ZNF273: variants seen among roughly 807,000 people sequenced by gnomAD.
ZNF273 encodes zinc finger protein 273.
A neutral mutation model predicts 14.9 loss-of-function variants in ZNF273; 11 were observed. That is an observed-to-expected ratio of 0.74 (90% CI 0.46 to 1.22). The LOEUF (loss-of-function observed/expected upper bound fraction) is 1.22. Among genes scored for constraint, ZNF273 ranks in the 50% most tolerant of loss-of-function variants. The pLI is 0.00. For synonymous variants in ZNF273, 199 were observed against 223.9 expected, an observed-to-expected ratio of 0.89 and a Z score of 0.99; for missense variants, 577 against 660.6, an observed-to-expected ratio of 0.87 and a Z score of 1.39.
upstream of ZNF273, among the ~76,000 whole-genome samples, chr7:64,899,982 A>G (rs1399043574): frequency 6.6e-6 from 1 of 151,860 alleles, no homozygotes; most frequent in African/African-American, 2.4e-5. Context: ...CTGGTCTCGA[A>G]CTCCCAACCT....
At chr7:64,903,821 TCAGA>T (rs1302467037) in intron 1 of ZNF273, among the ~76,000 whole-genome samples, 2 of 152,230 alleles carry the variant, frequency 1.3e-5, no homozygotes, top group Non-Finnish European at 2.9e-5. Flanking sequence ...AAGAATTTAA[TCAGA>T]CAGTCATTCA....
chr7:64,929,127 G>GTGACAAAT lies in ZNF273; in HGVS notation c.*89_*90insTGACAAAT, dbSNP rs56847491. The GTGACAAAT allele has an allele frequency of 3.2e-6, 4 of 1,241,356 alleles. No homozygotes were observed. The African/African-American group carries it at 6.1e-5, about 19-fold the overall frequency. The allele number at this position is 1,241,356 out of a possible 1,614,324, so 76.9% of individuals were successfully genotyped here. ...CATACTGGAGAAAACTCCCAGAAGT[G>GTGACAAAT]GAGTTTTCCTTATTGCACAGGAAAG... On this transcript the variant is annotated 3_prime_UTR_variant, in exon 4 of 4. Transcript: ENST00000476120.
downstream of ZNF273, among the ~76,000 whole-genome samples, chr7:64,892,100 C>T (rs1310223201): frequency 6.6e-6 from 1 of 152,234 alleles, no homozygotes; most frequent in Non-Finnish European, 1.5e-5. Context: ...AATAAAACTG[C>T]ATGCCTCCTT....
At chr7:64,903,173 C>T (rs142581703), upstream of ZNF273, 505 of 621,582 alleles carry the variant, frequency 8.1e-4, no homozygotes, top group African/African-American at 8.7e-3. Flanking sequence ...GGGGGCGGGT[C>T]CTTAAACATC....
intron 1 of ZNF273, among the ~76,000 whole-genome samples, chr7:64,915,660 TCATGGC>T (rs1793923173): frequency 6.6e-6 from 1 of 152,192 alleles, no homozygotes; most frequent in South Asian, 2.1e-4. Flanking sequence ...AGCGTGGGCG[TCATGGC>T]CATCATGAAC....
chr7:64,878,547 A>G (rs1791173467), intron 2 of ZNF273: 1 of 152,414 alleles, frequency 6.6e-6, no homozygotes, highest in Middle Eastern at 3.4e-3. Flanking sequence ...CTTCCCCTTC[A>G]GGAGAGGTGC....
intron 1 of ZNF273, among the ~76,000 whole-genome samples, chr7:64,912,473 A>T (rs1439989104): frequency 3.3e-5 from 5 of 151,458 alleles, no homozygotes; most frequent in Non-Finnish European, 7.4e-5. Flanking sequence ...TGCACTCATG[A>T]ATAACACCTC....
At chr7:64,910,690 T>C (rs1205978878) in intron 1 of ZNF273, among the ~76,000 whole-genome samples, 1 of 152,094 alleles carries the variant, frequency 6.6e-6, no homozygotes, top group Non-Finnish European at 1.5e-5. Context: ...TTGTTTCATA[T>C]GAATTTTAAA....
chr7:64,904,939 A>G (rs1792985375), intron 1 of ZNF273, among the ~76,000 whole-genome samples: 1 of 152,068 alleles, frequency 6.6e-6, no homozygotes, highest in Non-Finnish European at 1.5e-5. Flanking sequence ...TTTGAGTTTT[A>G]GTACTGTCTG....
intron 3 of ZNF273, among the ~76,000 whole-genome samples, chr7:64,896,731 G>A (rs1792384643): frequency 6.6e-6 from 1 of 151,924 alleles, no homozygotes; most frequent in Non-Finnish European, 1.5e-5. Context: ...GTAAATCTGG[G>A]CTCATAGCTC....
At chr7:64,918,002 G>A (rs752668790) in intron 2 of ZNF273, among the ~76,000 whole-genome samples, 195 bp from the exon 3 acceptor site, 12 of 152,088 alleles carry the variant, frequency 7.9e-5, no homozygotes, top group Admixed American at 3.3e-4. Context: ...TTTTCATTCC[G>A]TAGTACTGAG....
intron 1 of ZNF273, among the ~76,000 whole-genome samples, chr7:64,916,188 A>G (rs1443594698): frequency 6.6e-6 from 1 of 151,838 alleles, no homozygotes; most frequent in Non-Finnish European, 1.5e-5. Flanking sequence ...AAGAAAAAAA[A>G]TTATTAGGAG....
intron 3 of ZNF273, among the ~76,000 whole-genome samples, chr7:64,919,459 A>G (rs968873156): frequency 6.6e-6 from 1 of 152,048 alleles, no homozygotes; most frequent in Non-Finnish European, 1.5e-5. Context: ...TCTTGCCAAC[A>G]TGGAAATCCC....
At chr7:64,884,646 C>G (rs1211557408), downstream of ZNF273, among the ~76,000 whole-genome samples, 1 of 152,174 alleles carries the variant, frequency 6.6e-6, no homozygotes, top group Non-Finnish European at 1.5e-5. Flanking sequence ...CACTGACACC[C>G]TCCTCTGGGG....
At chr7:64,922,416 C>T (rs1276338492) in intron 3 of ZNF273, among the ~76,000 whole-genome samples, 1 of 151,858 alleles carries the variant, frequency 6.6e-6, no homozygotes, top group Non-Finnish European at 1.5e-5. Context: ...GCAACCTCTG[C>T]CTCCCAGGTT....
intron 1 of ZNF273, chr7:64,888,338 C>T: frequency 1.0e-6 from 1 of 985,284 alleles, no homozygotes; most frequent in Non-Finnish European, 1.2e-6. Flanking sequence ...CCTCTGAGCT[C>T]AAATTCCTGC....
Position 64,888,721 on chromosome 7 carries a change from G to A in ZNF273, n.422G>A, listed in dbSNP as rs990167522. On this transcript the variant is annotated non_coding_transcript_exon_variant, in exon 2 of 2. Transcript: ENST00000471926. The stretch of plus-strand genomic sequence containing the variant: ...TCCGGCTCCTGGAGGACAGCGGGAT[G>A]GGAGAGTCCCGTTCACACCCAGCCC... 3 of 985,662 alleles carry A rather than the reference G, an allele frequency of 3.0e-6. No individual in the cohort carries two copies. The African/African-American group carries it at 5.2e-5, about 17-fold the overall frequency. 61.1% of individuals were successfully genotyped at this position (985,662 alleles called of 1,614,324 possible). A position where few individuals can be genotyped will look rare whatever the true frequency, so the allele number is the denominator to read the frequency against.
At chr7:64,906,949 G>T (rs1310488104) in intron 1 of ZNF273, among the ~76,000 whole-genome samples, 1 of 152,190 alleles carries the variant, frequency 6.6e-6, no homozygotes, top group Non-Finnish European at 1.5e-5. Context: ...GGTGGGAGGG[G>T]ATGGCAAATA....
downstream of ZNF273, chr7:64,889,788 C>G (rs1217571066): frequency 9.1e-6 from 9 of 984,154 alleles, no homozygotes; most frequent in Non-Finnish European, 1.1e-5. The surrounding 1 kb of genome is among the most constrained non-coding windows in gnomAD (Gnocchi z 4.2). Context: ...CAAGCCCCTG[C>G]ACTTGCATTT....
Sources: allele counts gnomAD v4.1 joint callset (sites outside exome capture counted in the v4.1 genomes callset), GRCh38; gene constraint gnomAD v4.1.1; non-coding constraint Gnocchi (gnomAD v3.1); transcripts MANE v1.5; gene names NCBI Gene and HGNC (gene_info 2026-07-23, HGNC 2026-07-21).